Variants in CDH13 observed in about 807,000 individuals in gnomAD.
CDH13 encodes the protein cadherin 13.
CDH13 carries 24 observed loss-of-function variants against 63.8 expected under a neutral mutation model. That is an observed-to-expected ratio of 0.38 (90% CI 0.27 to 0.53). CDH13 has a LOEUF of 0.53. Among genes scored for constraint, CDH13 ranks in the 20% least tolerant of loss-of-function variants. CDH13 has a pLI of 0.85. For synonymous variants in CDH13, 503 were observed against 355.3 expected, an observed-to-expected ratio of 1.42 and a Z score of -4.67; for missense variants, 1,049 against 903.1, an observed-to-expected ratio of 1.16 and a Z score of -2.07.
At chr16:83,691,306 G>C (rs1270959002) in intron 10 of CDH13, among the ~76,000 whole-genome samples, 2 of 152,164 alleles carry the variant, frequency 1.3e-5, no homozygotes, top group Non-Finnish European at 2.9e-5. Context: ...GAGCACATGA[G>C]CTGGGTATCA....
intron 4 of CDH13, among the ~76,000 whole-genome samples, chr16:83,178,036 GA>G (rs1033022287): frequency 1.1e-4 from 17 of 152,030 alleles, no homozygotes; most frequent in Non-Finnish European, 2.1e-4. Flanking sequence ...CCCTAGCATA[GA>G]AAAAAATAGT....
At chr16:83,159,805 T>G (rs1022990539) in intron 4 of CDH13, among the ~76,000 whole-genome samples, 1 of 152,158 alleles carries the variant, frequency 6.6e-6, no homozygotes, top group Non-Finnish European at 1.5e-5. Flanking sequence ...CTGGGCACGG[T>G]GGGTCATGTC....
intron 7 of CDH13, among the ~76,000 whole-genome samples, chr16:83,502,681 T>G (rs1473575107): frequency 3.3e-5 from 5 of 152,180 alleles, no homozygotes; most frequent in Non-Finnish European, 7.3e-5. Context: ...TTGAAAGAGA[T>G]GACAGGTGAA....
At chr16:82,659,752 A>G (rs1239513509) in intron 1 of CDH13, among the ~76,000 whole-genome samples, 1 of 152,150 alleles carries the variant, frequency 6.6e-6, no homozygotes, top group African/African-American at 2.4e-5. Context: ...GTTAAATAGT[A>G]GGGAAGGGTT....
At chr16:83,389,864 G>A (rs573224195) in intron 6 of CDH13, among the ~76,000 whole-genome samples, 1 of 152,220 alleles carries the variant, frequency 6.6e-6, no homozygotes, top group African/African-American at 2.4e-5. Flanking sequence ...AATCTACGAA[G>A]AACATTGCCC....
At chr16:83,391,088 T>G (rs2091776604) in intron 6 of CDH13, among the ~76,000 whole-genome samples, 1 of 152,222 alleles carries the variant, frequency 6.6e-6, no homozygotes, top group Non-Finnish European at 1.5e-5. Context: ...GAGTGACCTC[T>G]GCTGCCTCTA....
At chr16:82,895,160 A>T (rs2041209840) in intron 2 of CDH13, among the ~76,000 whole-genome samples, 1 of 152,150 alleles carries the variant, frequency 6.6e-6, no homozygotes, top group Non-Finnish European at 1.5e-5. Flanking sequence ...AAACATTTTC[A>T]TCACCCCAAA....
chr16:83,345,982 T>G (rs143523965), intron 6 of CDH13, among the ~76,000 whole-genome samples: 1 of 152,154 alleles, frequency 6.6e-6, no homozygotes, highest in Admixed American at 6.5e-5. Flanking sequence ...TCTGGAAATG[T>G]TGCCATGGTA....
rs1455935420 is a variant in CDH13 at position 83,091,254 on chromosome 16, C to T, written c.367-34131C>T. On this transcript the variant is annotated intron_variant, in intron 3 of 13. Coordinates refer to ENST00000567109, the MANE Select transcript of CDH13 (RefSeq NM_001257.5). ...GCTTTTCCCCCTACTCCCTTTTTCT[C>T]CATCTTCTGCTATCAGAAAAAAAAA... Among the ~76,000 whole-genome samples the T allele has an allele frequency of 4.0e-5, 6 of 151,626 alleles. No individual in the cohort carries two copies. In the East Asian group the frequency reaches 1.2e-3, roughly 29 times the overall value.
chr16:83,362,314 C>A lies in CDH13; in HGVS notation c.781+17308C>A, dbSNP rs182820622. 1.8e-3 allele frequency among the ~76,000 whole-genome samples: 278 copies of A among 152,322 alleles called. 1 individual carries two copies. Among genetic ancestry groups the A allele is most frequent in the Non-Finnish European group, 3.1e-3 (209 of 68,016 alleles). On this transcript the variant is annotated intron_variant, in intron 6 of 13. Transcript: ENST00000567109. ...CATTTCTATTATGGCAATGTCACAG[C>A]CGCGTGTATGAGCTGTAATGAAAGA...
At chr16:82,740,465 G>A (rs2033878991) in intron 1 of CDH13, among the ~76,000 whole-genome samples, 1 of 152,178 alleles carries the variant, frequency 6.6e-6, no homozygotes, top group Non-Finnish European at 1.5e-5. Flanking sequence ...GATAGGGGTG[G>A]AATATGCCAG....
intron 7 of CDH13, among the ~76,000 whole-genome samples, chr16:83,554,981 G>T (rs916663006): frequency 6.9e-6 from 1 of 144,956 alleles, no homozygotes; most frequent in Admixed American, 7.1e-5. Flanking sequence ...GATGCTTCCT[G>T]AGGCCACCCC....
chr16:82,886,771 C>G (rs750400492), intron 2 of CDH13, among the ~76,000 whole-genome samples: 3 of 152,122 alleles, frequency 2.0e-5, no homozygotes, highest in Admixed American at 6.6e-5. Context: ...CCATGTTTAA[C>G]CAAGTGCTGA....
intron 11 of CDH13, among the ~76,000 whole-genome samples, chr16:83,755,851 C>T (rs574793616): frequency 6.7e-6 from 1 of 149,930 alleles, no homozygotes; most frequent in Admixed American, 6.6e-5. Flanking sequence ...GGCATAGAAA[C>T]ACAAGAAACA....
chr16:82,627,945 C>T (rs1415570425), intron 1 of CDH13, among the ~76,000 whole-genome samples: 4 of 152,376 alleles, frequency 2.6e-5, no homozygotes, highest in Admixed American at 6.5e-5. Context: ...CTTGCCCACC[C>T]GGGCTGCAGC....
chr16:83,439,225 C>T (rs190994590), intron 6 of CDH13, among the ~76,000 whole-genome samples: 2 of 152,258 alleles, frequency 1.3e-5, no homozygotes, highest in Admixed American at 1.3e-4. Context: ...GCAATTAACC[C>T]AAGCAATTTA....
chr16:82,709,041 A>C (rs1303000057), intron 1 of CDH13, among the ~76,000 whole-genome samples: 1 of 152,208 alleles, frequency 6.6e-6, no homozygotes, highest in Non-Finnish European at 1.5e-5. Context: ...GCCCAAGGGT[A>C]AGAATCAGAG....
intron 11 of CDH13, among the ~76,000 whole-genome samples, chr16:83,756,427 T>C (rs765692823): frequency 6.6e-6 from 1 of 152,214 alleles, no homozygotes; most frequent in Non-Finnish European, 1.5e-5. Context: ...TAAAAACACA[T>C]GAAAGTATTT....
chr16:83,117,703 C>G (rs1487618769), intron 3 of CDH13, among the ~76,000 whole-genome samples: 2 of 152,122 alleles, frequency 1.3e-5, no homozygotes, highest in African/African-American at 2.4e-5. Flanking sequence ...TAATATGAAT[C>G]TATTCTCTCG....
Sources: allele counts gnomAD v4.1 joint callset (sites outside exome capture counted in the v4.1 genomes callset), GRCh38; gene constraint gnomAD v4.1.1; transcripts MANE v1.5; gene names NCBI Gene and HGNC (gene_info 2026-07-23, HGNC 2026-07-21).